Variants in IQSEC2 observed in about 807,000 individuals in gnomAD.
IQSEC2 encodes the protein IQ motif and Sec7 domain ArfGEF 2.
In IQSEC2, 6 loss-of-function variants were observed where a neutral mutation model predicts 74.6. The ratio of observed to expected loss-of-function variants is 0.08; its 90% CI spans 0.04 to 0.16. IQSEC2 has a LOEUF of 0.16. IQSEC2 is among the 10% of genes least tolerant of loss of function. The pLI is 1.00. For synonymous variants in IQSEC2, 494 were observed against 544.5 expected, an observed-to-expected ratio of 0.91 and a Z score of 1.29; for missense variants, 734 against 1,306.2, an observed-to-expected ratio of 0.56 and a Z score of 6.75.
At chrX:53,276,228 C>T (rs183542613) in intron 2 of IQSEC2, among the ~76,000 whole-genome samples, 1 of 111,904 alleles carries the variant, frequency 8.9e-6, no homozygotes, top group Non-Finnish European at 1.9e-5. Flanking sequence ...TTCTTACAGC[C>T]GTTGATTAAA....
chrX:53,279,659 C>T (rs2074909451), intron 2 of IQSEC2: 3 of 1,128,551 alleles, frequency 2.7e-6, no homozygotes, highest in African/African-American at 1.8e-5. Context: ...ACGCTGTGGA[C>T]CTGAGAGACA....
At position 53,234,378 on chromosome X, in the gene IQSEC2, G is replaced by A; in HGVS notation, c.4308C>T (p.Ser1436=). The change falls in exon 15 of 15, where the codon TCC becomes TCT. Residue 1436 remains serine (S), a synonymous_variant. Coordinates refer to ENST00000642864, the MANE Select transcript of IQSEC2 (RefSeq NM_001111125.3). ...GGGAGGGTGGGGGGAGGGGTGGATA[G>A]GAGGGGTGGGGTGGGATGGGTGAGT... ...SPHSPIPPHP[S]YPPLPPPSPH... 1.7e-6 allele frequency: 1 copy of A among 601,187 alleles called. No individual in the cohort carries two copies. The highest frequency in any genetic ancestry group is 5.8e-5 in the Admixed American group (1 of 17,222). 49.5% of individuals were successfully genotyped at this position (601,187 alleles called of 1,213,427 possible).
At chrX:53,290,946 G>T (rs1556872920) in intron 2 of IQSEC2, among the ~76,000 whole-genome samples, 1 of 112,418 alleles carries the variant, frequency 8.9e-6, no homozygotes. Context: ...CCACTCAGAG[G>T]GGGTGCCCTT....
intron 1 of IQSEC2, among the ~76,000 whole-genome samples, chrX:53,293,068 G>A (rs978241957): frequency 8.9e-6 from 1 of 112,047 alleles, no homozygotes; most frequent in Non-Finnish European, 1.9e-5. Context: ...GTCCATCTAT[G>A]CTAAGCGCTA....
At chrX:53,279,708 G>A in intron 2 of IQSEC2, 1 of 838,694 alleles carries the variant, frequency 1.2e-6, no homozygotes, top group Non-Finnish European at 1.8e-6. Flanking sequence ...GACAGGGAGG[G>A]AGGGAAGTGG....
downstream of IQSEC2, chrX:53,230,562 C>T (rs1556858289): frequency 8.8e-6 from 1 of 114,004 alleles, no homozygotes; most frequent in Admixed American, 9.3e-5. Context: ...AACATAAGAA[C>T]TCTGAGATGC....
downstream of IQSEC2, among the ~76,000 whole-genome samples, chrX:53,228,134 A>G (rs1556857964): frequency 9.0e-6 from 1 of 110,920 alleles, no homozygotes; most frequent in African/African-American, 3.3e-5. Flanking sequence ...TGTTAGGAGG[A>G]TTAGAGATAA....
At chrX:53,241,717 G>C (rs1343249102) in intron 10 of IQSEC2, 67 bp downstream of exon 10, 1 of 1,184,617 alleles carries the variant, frequency 8.4e-7, no homozygotes, top group African/African-American at 1.7e-5. Flanking sequence ...CATCAATATG[G>C]TTCACACCAG....
chrX:53,306,328 G>A (rs1413062517), intron 1 of IQSEC2, among the ~76,000 whole-genome samples: 3 of 112,002 alleles, frequency 2.7e-5, no homozygotes, highest in Non-Finnish European at 5.6e-5. Context: ...GAGGTGGAGG[G>A]GCTGGCCCAG....
At chrX:53,276,072 A>G (rs1556869500) in intron 2 of IQSEC2, among the ~76,000 whole-genome samples, 1 of 111,285 alleles carries the variant, frequency 9.0e-6, no homozygotes, top group African/African-American at 3.3e-5. Context: ...TTTAAACTCC[A>G]ATCACTCAAA....
At chrX:53,301,258 G>T (rs782615721) in intron 1 of IQSEC2, among the ~76,000 whole-genome samples, 1 of 111,862 alleles carries the variant, frequency 8.9e-6, no homozygotes, top group South Asian at 3.7e-4. Context: ...GCCTCTGAAG[G>T]CCCAGGCCCA....
intron 2 of IQSEC2, among the ~76,000 whole-genome samples, chrX:53,264,342 C>T (rs1556867190): frequency 9.2e-6 from 1 of 108,954 alleles, no homozygotes; most frequent in Non-Finnish European, 1.9e-5. Flanking sequence ...AACCCCACCC[C>T]CTTCCCACAG....
chrX:53,318,305 T>C (rs2075397910), intron 1 of IQSEC2, among the ~76,000 whole-genome samples: 1 of 112,139 alleles, frequency 8.9e-6, no homozygotes, highest in Admixed American at 9.4e-5. Flanking sequence ...AAGTACTACC[T>C]AAACCCCTTT....
At chrX:53,249,731 C>T (rs1216183282) in intron 5 of IQSEC2, among the ~76,000 whole-genome samples, 1 of 112,152 alleles carries the variant, frequency 8.9e-6, no homozygotes, top group Non-Finnish European at 1.9e-5. Flanking sequence ...TCCCACCTCA[C>T]TCCTAAACAC....
At position 53,312,075 on chromosome X, in the gene IQSEC2, A is replaced by AAAAC. The variant is rs782047331; in HGVS notation, c.707+8338_707+8341dup. On this transcript the variant is annotated intron_variant, in intron 1 of 14. Transcript: ENST00000642864. ...GTTTGTACTGAACTCATAAAAAAAC[A>AAAAC]AAACAAACAAACAAAAAACCTCCCC... Among the ~76,000 whole-genome samples the AAAAC allele has an allele frequency of 1.2e-3, 133 of 111,496 alleles. 1 individual carries two copies. In the East Asian group the frequency reaches 0.023, roughly 19 times the overall value.
At chrX:53,295,841 C>T (rs1556874154) in intron 1 of IQSEC2, among the ~76,000 whole-genome samples, 1 of 110,009 alleles carries the variant, frequency 9.1e-6, no homozygotes, top group African/African-American at 3.3e-5. Context: ...TATGGTGCCT[C>T]TTCCCAGGAA....
chrX:53,297,566 A>G (rs956210766), intron 1 of IQSEC2, among the ~76,000 whole-genome samples: 3 of 110,704 alleles, frequency 2.7e-5, no homozygotes, highest in Admixed American at 9.6e-5. Context: ...GGCTCAAGAG[A>G]TTCACCTACC....
intron 2 of IQSEC2, 120 bp downstream of exon 2, chrX:53,291,775 G>A (rs1170324004): frequency 4.5e-5 from 27 of 603,842 alleles, no homozygotes; most frequent in Non-Finnish European, 6.4e-5. Context: ...ATACCAACAG[G>A]GAAGACGCCC....
intron 1 of IQSEC2, among the ~76,000 whole-genome samples, chrX:53,295,639 CT>C (rs2075144802): frequency 9.6e-6 from 1 of 103,869 alleles, no homozygotes; most frequent in Non-Finnish European, 2.0e-5. Context: ...AAGAAGCAAT[CT>C]GGAAGATGAG....
Sources: allele counts gnomAD v4.1 joint callset (sites outside exome capture counted in the v4.1 genomes callset), GRCh38; gene constraint gnomAD v4.1.1; transcripts MANE v1.5; gene names NCBI Gene and HGNC (gene_info 2026-07-23, HGNC 2026-07-21).